Variants in HS3ST4 observed in about 807,000 individuals in gnomAD.
HS3ST4 encodes heparan sulfate-glucosamine 3-sulfotransferase 4.
In HS3ST4, 17 loss-of-function variants were observed where a neutral mutation model predicts 29.2. The observed-to-expected ratio is 0.58, with a 90% CI of 0.40 to 0.87. The LOEUF is 0.87. HS3ST4 is among the 40% of genes least tolerant of loss of function. The probability of loss-of-function intolerance (pLI) is 0.00; values close to 1 mark genes in which losing one functional copy is unlikely to be tolerated. For missense variants in HS3ST4, 627 were observed against 634.5 expected (o/e 0.99, Z 0.13); for synonymous variants, 314 against 285.7 (o/e 1.10, Z -1.00).
intron 1 of HS3ST4, among the ~76,000 whole-genome samples, chr16:25,737,392 A>C (rs1308921804): frequency 6.6e-6 from 1 of 151,598 alleles, no homozygotes. Flanking sequence ...ACACACACTC[A>C]GTGGAATACT....
intron 1 of HS3ST4, chr16:25,825,585 C>G (rs1462417757): frequency 1.3e-5 from 2 of 152,248 alleles, no homozygotes; most frequent in African/African-American, 4.8e-5. Flanking sequence ...TTTAGCTCCA[C>G]ATTGGTATTC....
intron 1 of HS3ST4, among the ~76,000 whole-genome samples, chr16:25,909,330 A>G (rs957317787): frequency 6.6e-6 from 1 of 152,122 alleles, no homozygotes; most frequent in Non-Finnish European, 1.5e-5. Flanking sequence ...CTGGGACTAC[A>G]GGCATGCACT....
At chr16:25,913,822 C>G (rs58361844) in intron 1 of HS3ST4, among the ~76,000 whole-genome samples, 1 of 130,020 alleles carries the variant, frequency 7.7e-6, no homozygotes. Flanking sequence ...TGTGTGTGCA[C>G]GGGGGAGGTG....
Position 25,920,616 on chromosome 16 carries a change from T to C in HS3ST4, c.735-214996T>C, listed in dbSNP as rs374897751. ...CTGCCGCCCCCACCCCTCTTTTTTT[T>C]TTTTGAAACAGGATCTCGCTGTGTC... On this transcript the variant is annotated intron_variant, in intron 1 of 1. Transcript: ENST00000331351. 1.7e-4 allele frequency among the ~76,000 whole-genome samples: 25 copies of C among 150,148 alleles called. 1 individual carries two copies. The East Asian group carries it at 2.4e-3, about 14-fold the overall frequency.
intron 1 of HS3ST4, among the ~76,000 whole-genome samples, chr16:25,976,931 G>A (rs201718216): frequency 2.5e-3 from 4 of 1,598 alleles, no homozygotes; most frequent in Non-Finnish European, 8.4e-3. Context: ...TAATTTTCAC[G>A]TCGCAAAATA....
Position 25,979,666 on chromosome 16 carries a change from C to T in HS3ST4, c.735-155946C>T, listed in dbSNP as rs576359883. The stretch of plus-strand genomic sequence containing the variant: ...ATAATTATTTCATTATATATTACAA[C>T]GTAAAATAGAAATAAAGTGTACAAT... On this transcript the variant is annotated intron_variant, in intron 1 of 1. Transcript: ENST00000331351. Among the ~76,000 whole-genome samples, 51 of 152,200 alleles carry T rather than the reference C, an allele frequency of 3.4e-4. No homozygotes were observed. The South Asian group carries it at 5.4e-3, about 16-fold the overall frequency.
At chr16:25,828,294 T>TTCACTCTCTC in intron 1 of HS3ST4, among the ~76,000 whole-genome samples, 1 of 45,058 alleles carries the variant, frequency 2.2e-5, no homozygotes, top group Non-Finnish European at 4.3e-5. Flanking sequence ...CTTTCTTTCT[T>TTCACTCTCTC]TCTTTCCCTC....
rs141753892 is a variant in HS3ST4 at position 26,062,325 on chromosome 16, A to C, written c.735-73287A>C. Among the ~76,000 whole-genome samples the C allele has an allele frequency of 1.7e-3, 265 of 152,312 alleles. 2 individuals are homozygous for C. Among genetic ancestry groups the C allele is most frequent in the African/African-American group, 6.1e-3 (255 of 41,574 alleles). The stretch of plus-strand genomic sequence containing the variant: ...TCTGGGCCTTAGTCTTCTCATCTGT[A>C]AAATGGGGTAGTCATAACTTTGTCA... On this transcript the variant is annotated intron_variant, in intron 1 of 1. Coordinates refer to ENST00000331351, the MANE Select transcript of HS3ST4 (RefSeq NM_006040.3).
rs182928735 is a variant in HS3ST4, at chr16:25,718,469, G to A, written c.734+25318G>A. On this transcript the variant is annotated intron_variant, in intron 1 of 1. Transcript: ENST00000331351. ...CTATGGAGAAAAGTAGTTGGCAATAGGAGAGAAGGTAGATAGAGGTAAGCA... is the reference window on the plus strand; with the variant it reads ...CTATGGAGAAAAGTAGTTGGCAATAAGAGAGAAGGTAGATAGAGGTAAGCA... Among the ~76,000 whole-genome samples, 7 of 151,504 alleles carry A rather than the reference G, an allele frequency of 4.6e-5. No homozygotes were observed. In the East Asian group the frequency reaches 1.4e-3, roughly 30 times the overall value.
intron 1 of HS3ST4, among the ~76,000 whole-genome samples, chr16:26,113,085 C>T (rs1899152932): frequency 6.6e-6 from 1 of 152,130 alleles, no homozygotes; most frequent in African/African-American, 2.4e-5. Context: ...GCCATAGTCA[C>T]ACAATGGATT....
At chr16:26,121,432 A>C (rs762196670) in intron 1 of HS3ST4, among the ~76,000 whole-genome samples, 3 of 152,220 alleles carry the variant, frequency 2.0e-5, no homozygotes, top group Non-Finnish European at 2.9e-5. Context: ...CTTCTGAAAG[A>C]GTAGTGTCTT....
At chr16:26,034,929 GC>G (rs1417599555) in intron 1 of HS3ST4, among the ~76,000 whole-genome samples, 1 of 152,100 alleles carries the variant, frequency 6.6e-6, no homozygotes, top group Non-Finnish European at 1.5e-5. Flanking sequence ...CTTGCAGTGA[GC>G]CATGATCACC....
rs149143175 is a variant in HS3ST4, at chr16:25,802,865, G to A, written c.734+109714G>A. 6.2e-3 allele frequency among the ~76,000 whole-genome samples: 938 copies of A among 151,374 alleles called. 12 individuals carry two copies. Among genetic ancestry groups the A allele is most frequent in the African/African-American group, 0.02 (846 of 41,284 alleles). Reference sequence around the variant, plus strand: ...TTGCTAGTGTGAATGTGATAATTACGTATTATATTTTTAGTTGGATATTAT... The same window carrying A: ...TTGCTAGTGTGAATGTGATAATTACATATTATATTTTTAGTTGGATATTAT... On this transcript the variant is annotated intron_variant, in intron 1 of 1. Transcript: ENST00000331351.
In HS3ST4 at chr16:25,996,237, A is replaced by G. The variant is rs113343404; in HGVS notation, c.735-139375A>G. On this transcript the variant is annotated intron_variant, in intron 1 of 1. Coordinates refer to ENST00000331351, the MANE Select transcript of HS3ST4 (RefSeq NM_006040.3). ...TCTTAGACTCAAAGAAGTATCCGCCATTTGTTAAATGTGATTTCTATGTAC... is the reference window on the plus strand; with the variant it reads ...TCTTAGACTCAAAGAAGTATCCGCCGTTTGTTAAATGTGATTTCTATGTAC... 2.0e-5 allele frequency among the ~76,000 whole-genome samples: 3 copies of G among 152,244 alleles called. No individual in the cohort carries two copies. In the South Asian group the frequency reaches 6.2e-4, roughly 32 times the overall value.
intron 1 of HS3ST4, among the ~76,000 whole-genome samples, chr16:26,062,082 T>C (rs1413056314): frequency 1.3e-5 from 2 of 152,172 alleles, no homozygotes; most frequent in Non-Finnish European, 2.9e-5. Context: ...ACCTGAAGTA[T>C]GTGGGCTAAA....
intron 1 of HS3ST4, among the ~76,000 whole-genome samples, chr16:26,130,546 T>C (rs1596692505): frequency 6.6e-6 from 1 of 152,284 alleles, no homozygotes; most frequent in East Asian, 1.9e-4. Flanking sequence ...CCCAAGGAAC[T>C]GAGACTAGCC....
intron 1 of HS3ST4, among the ~76,000 whole-genome samples, chr16:25,767,691 G>C (rs901344028): frequency 2.6e-5 from 4 of 152,126 alleles, no homozygotes; most frequent in Non-Finnish European, 5.9e-5. Context: ...ATGGGATACT[G>C]ATAACTTCTG....
Position 25,859,715 on chromosome 16 carries a change from C to A in HS3ST4, c.734+166564C>A, listed in dbSNP as rs114071969. On this transcript the variant is annotated intron_variant, in intron 1 of 1. Coordinates refer to ENST00000331351, the MANE Select transcript of HS3ST4 (RefSeq NM_006040.3). The stretch of plus-strand genomic sequence containing the variant: ...ACAGGGTCAAAGACCTTAAAAGACA[C>A]CTCACCAAAGAAAATATACAGATGG... Among the ~76,000 whole-genome samples, 438 of 152,268 alleles carry A rather than the reference C, an allele frequency of 2.9e-3. 3 individuals carry two copies. The highest frequency in any genetic ancestry group is 0.01 in the African/African-American group (424 of 41,558).
intron 1 of HS3ST4, among the ~76,000 whole-genome samples, chr16:25,934,378 C>T (rs1968497519): frequency 1.3e-5 from 2 of 152,220 alleles, no homozygotes; most frequent in South Asian, 2.1e-4. Context: ...GTGGCCATTA[C>T]ACTTCTTTGT....
Sources: allele counts gnomAD v4.1 joint callset (sites outside exome capture counted in the v4.1 genomes callset), GRCh38; gene constraint gnomAD v4.1.1; transcripts MANE v1.5; gene names NCBI Gene and HGNC (gene_info 2026-07-23, HGNC 2026-07-21).